Variants in ADGRG7 observed in about 807,000 individuals in gnomAD.
ADGRG7 encodes adhesion G protein-coupled receptor G7.
Under a neutral mutation model 88.6 loss-of-function variants are expected in ADGRG7, and 82 were observed. The observed-to-expected ratio is 0.93, with a 90% confidence interval of 0.77 to 1.11. ADGRG7 has a LOEUF of 1.11. Ranked by LOEUF, ADGRG7 falls within the 50% of genes most tolerant of loss-of-function variation. ADGRG7 has a pLI of 0.00. For synonymous variants in ADGRG7, 381 were observed against 345.2 expected (o/e 1.10, Z -1.15); for missense variants, 945 against 953.4 (o/e 0.99, Z 0.12).
At chr3:100,675,519 C>T (rs2094963939) in intron 15 of ADGRG7, among the ~76,000 whole-genome samples, 1 of 152,080 alleles carries the variant, frequency 6.6e-6, no homozygotes, top group South Asian at 2.1e-4. Context: ...AGGATTTTTG[C>T]ATCAACGTTC....
Position 100,633,299 on chromosome 3 carries a change from C to T in ADGRG7, c.369C>T (p.Leu123=), listed in dbSNP as rs1412784611. 6.5e-7 allele frequency: 1 copy of T among 1,548,646 alleles called. No homozygotes were observed. Among genetic ancestry groups the T allele is most frequent in the Non-Finnish European group, 8.7e-7 (1 of 1,146,250 alleles). The change falls in exon 4 of 16, where the codon CTC becomes CTT. Residue 123 remains leucine (L), a synonymous_variant. Coordinates refer to ENST00000273352, the MANE Select transcript of ADGRG7 (RefSeq NM_032787.3). Reference sequence around the variant, plus strand: ...CAATGGCAGTCCGGTTGTGCAGTCTCTCTCTATATGGAGAGATAGAATTAC... The same window carrying T: ...CAATGGCAGTCCGGTTGTGCAGTCTTTCTCTATATGGAGAGATAGAATTAC... ...GNPMAVRLCS[L]SLYGEIELQK...
Position 100,635,817 on chromosome 3 carries a change from T to A in ADGRG7, c.588T>A (p.Ala196=). ...VGQIFNTSRN[A]SPEAKKVAIV... is the part of the protein sequence containing the mutation. ...AGATATTCAACACTTCCAGAAATGC[T>A]TCACCTGAGGTAAAACTCACAGAGC... Residue 196 remains alanine (A), a synonymous_variant, in exon 5 of 16, where the codon GCT becomes GCA. Transcript: ENST00000273352. 1 of 1,611,116 alleles carries A rather than the reference T, an allele frequency of 6.2e-7. No homozygotes were observed. The highest frequency in any genetic ancestry group is 8.5e-7 in the Non-Finnish European group (1 of 1,179,226).
intron 15 of ADGRG7, among the ~76,000 whole-genome samples, chr3:100,669,386 G>T (rs2094955522): frequency 6.6e-6 from 1 of 151,850 alleles, no homozygotes; most frequent in Non-Finnish European, 1.5e-5. Flanking sequence ...CTAGGGAGTA[G>T]TCTCCTGTAG....
intron 1 of ADGRG7, among the ~76,000 whole-genome samples, chr3:100,613,322 A>T (rs1366809770): frequency 6.6e-6 from 1 of 152,230 alleles, no homozygotes; most frequent in Non-Finnish European, 1.5e-5. Flanking sequence ...TTTCAGAGGC[A>T]AACTCAATAA....
intron 1 of ADGRG7, among the ~76,000 whole-genome samples, chr3:100,619,037 A>G (rs1176824474): frequency 1.3e-5 from 2 of 152,164 alleles, no homozygotes; most frequent in Admixed American, 1.3e-4. Context: ...TTGGTGTATA[A>G]GAATGCTTGT....
chr3:100,625,572 G>A (rs2149015184), intron 1 of ADGRG7, among the ~76,000 whole-genome samples: 1 of 152,176 alleles, frequency 6.6e-6, no homozygotes, highest in Non-Finnish European at 1.5e-5. Context: ...ATGTTGAATA[G>A]GGTTGGTGAG....
intron 15 of ADGRG7, among the ~76,000 whole-genome samples, chr3:100,674,982 CT>C (rs1004683429): frequency 8.7e-4 from 131 of 150,350 alleles, no homozygotes; most frequent in African/African-American, 2.3e-3. Context: ...CCATTCTAAT[CT>C]TTTTTTTTTC....
chr3:100,616,234 T>A (rs886698462), intron 1 of ADGRG7, among the ~76,000 whole-genome samples: 11 of 151,976 alleles, frequency 7.2e-5, no homozygotes, highest in African/African-American at 2.7e-4. Flanking sequence ...AAGACAAAGA[T>A]GAGTTTACAA....
Position 100,644,697 on chromosome 3 carries a change from A to C in ADGRG7, c.946+1064A>C, listed in dbSNP as rs112037341. Among the ~76,000 whole-genome samples, 913 of 151,936 alleles carry C rather than the reference A, an allele frequency of 6.0e-3. 11 individuals carry two copies. The highest frequency in any genetic ancestry group is 0.021 in the African/African-American group (874 of 41,432). On this transcript the variant is annotated intron_variant, in intron 8 of 15. Transcript: ENST00000273352. Reference sequence around the variant, plus strand: ...AGCCCTGCTAATTAAAAAAAAAAAAAATTAAATTTTTTTTGTAGAGACAGA... The same window carrying C: ...AGCCCTGCTAATTAAAAAAAAAAAACATTAAATTTTTTTTGTAGAGACAGA...
intron 15 of ADGRG7, among the ~76,000 whole-genome samples, chr3:100,688,680 A>G (rs1325265209): frequency 2.0e-5 from 3 of 152,076 alleles, no homozygotes; most frequent in Non-Finnish European, 1.5e-5. Context: ...CATGTAGTTG[A>G]GCGGTTTTGA....
At chr3:100,664,048 C>T (rs750347862) in intron 14 of ADGRG7, among the ~76,000 whole-genome samples, 7 of 151,978 alleles carry the variant, frequency 4.6e-5, no homozygotes, top group Non-Finnish European at 1.0e-4. Flanking sequence ...TTATAACTCT[C>T]GACTGCCATG....
chr3:100,646,085 G>A lies in ADGRG7; in HGVS notation c.1087G>A (p.Val363Ile). 6.2e-7 allele frequency: 1 copy of A among 1,613,796 alleles called. No homozygotes were observed. The highest frequency in any genetic ancestry group is 8.5e-7 in the Non-Finnish European group (1 of 1,179,936). Residue 363 changes from valine to isoleucine, a missense_variant, in exon 9 of 16, where the codon GTT becomes ATT. Physicochemically the swap from Val to Ile is conservative, Grantham distance 29 (BLOSUM62 3). Transcript: ENST00000273352. ...DENEQDQSAS[V>I]DMVFSPKYNQ... ...AAATGAGCAAGATCAGAGTGCTTCT[G>A]TTGACATGGTCTTTAGTCCAAAGGT... is the stretch of plus-strand genomic sequence containing the variant.
chr3:100,657,633 T>C (rs1474134783), intron 13 of ADGRG7, among the ~76,000 whole-genome samples: 2 of 152,362 alleles, frequency 1.3e-5, no homozygotes, highest in East Asian at 3.9e-4. Flanking sequence ...CTATGTTCCA[T>C]GGCAAACCAA....
chr3:100,666,137 G>A (rs1017019146), intron 14 of ADGRG7, among the ~76,000 whole-genome samples: 4 of 151,138 alleles, frequency 2.6e-5, no homozygotes, highest in Non-Finnish European at 1.5e-5. Flanking sequence ...TGCAACCTCC[G>A]CCTTGAAGGG....
intron 1 of ADGRG7, among the ~76,000 whole-genome samples, chr3:100,615,216 G>A (rs1292159875): frequency 6.6e-6 from 1 of 152,132 alleles, no homozygotes; most frequent in African/African-American, 2.4e-5. Flanking sequence ...AGGGGGTTGG[G>A]TTGATGAATA....
chr3:100,684,257 C>CTGTTTATTTATTTATTTATT (rs1553696296), intron 15 of ADGRG7, among the ~76,000 whole-genome samples: 3 of 145,272 alleles, frequency 2.1e-5, no homozygotes, highest in African/African-American at 7.6e-5. Context: ...TCCATTTTAT[C>CTGTTTATTTATTTATTTATT]TATTTATTTA....
intron 1 of ADGRG7, among the ~76,000 whole-genome samples, chr3:100,618,085 T>C (rs573554653): frequency 6.6e-6 from 1 of 152,362 alleles, no homozygotes; most frequent in African/African-American, 2.4e-5. Context: ...CTTGTAAATT[T>C]GTTTGAGTTC....
intron 13 of ADGRG7, 63 bp downstream of exon 13, chr3:100,656,058 T>C (rs187844771): frequency 2.0e-5 from 19 of 953,746 alleles, no homozygotes; most frequent in African/African-American, 9.6e-5. Flanking sequence ...TTCAGTGATA[T>C]TGACTCCGAG....
chr3:100,631,458 G>C (rs540323584), intron 3 of ADGRG7, among the ~76,000 whole-genome samples: 1 of 152,098 alleles, frequency 6.6e-6, no homozygotes, highest in Non-Finnish European at 1.5e-5. Context: ...GGAATTCCTA[G>C]ATTCTATCCT....
Sources: allele counts gnomAD v4.1 joint callset (sites outside exome capture counted in the v4.1 genomes callset), GRCh38; gene constraint gnomAD v4.1.1; transcripts MANE v1.5; gene names NCBI Gene and HGNC (gene_info 2026-07-23, HGNC 2026-07-21).